Variants in MELK observed in about 807,000 individuals in gnomAD.
The protein encoded by MELK is pEg3 kinase.
MELK carries 81 observed loss-of-function variants against 85.0 expected under a neutral mutation model. That is an observed-to-expected ratio of 0.95 (90% CI 0.80 to 1.15). The LOEUF is 1.15. Among genes scored for constraint, MELK ranks in the 50% most tolerant of loss-of-function variants. The pLI, the probability that MELK is intolerant of heterozygous loss-of-function variation, is 0.00. For synonymous variants in MELK, 252 were observed against 265.0 expected, an observed-to-expected ratio of 0.95 and a Z score of 0.48; for missense variants, 754 against 777.5, an observed-to-expected ratio of 0.97 and a Z score of 0.36.
intron 14 of MELK, among the ~76,000 whole-genome samples, chr9:36,666,872 TGTGTGTGTGTGTG>T (rs1490993112): frequency 2.9e-5 from 4 of 138,108 alleles, no homozygotes; most frequent in African/African-American, 1.0e-4. Context: ...TGTGTGTGTG[TGTGTGTGTGTGTG>T]TGTGTGTGTG....
intron 14 of MELK, among the ~76,000 whole-genome samples, chr9:36,668,575 C>T (rs531490130): frequency 4.1e-5 from 6 of 147,854 alleles, no homozygotes; most frequent in Admixed American, 6.9e-5. Context: ...TGCAATGGCG[C>T]GATCTCGGCT....
chr9:36,574,751 A>T (rs1036003673), intron 1 of MELK, among the ~76,000 whole-genome samples: 4 of 152,244 alleles, frequency 2.6e-5, no homozygotes, highest in Admixed American at 6.5e-5. Flanking sequence ...TAATATTGTT[A>T]AAAAATGCCC....
intron 7 of MELK, among the ~76,000 whole-genome samples, chr9:36,601,060 A>G (rs1013706383): frequency 6.6e-6 from 1 of 152,122 alleles, no homozygotes; most frequent in Non-Finnish European, 1.5e-5. Context: ...AGCTAGAAAT[A>G]TCATATCCTT....
intron 8 of MELK, among the ~76,000 whole-genome samples, chr9:36,629,718 G>A (rs1009679145): frequency 6.6e-6 from 1 of 152,040 alleles, no homozygotes. Context: ...AGATTCCAAA[G>A]CTGTATGACA....
intron 11 of MELK, among the ~76,000 whole-genome samples, chr9:36,644,027 A>T (rs900947045): frequency 6.6e-6 from 1 of 152,178 alleles, no homozygotes; most frequent in Non-Finnish European, 1.5e-5. Flanking sequence ...CTAACATGCA[A>T]CTGGGTTTCT....
At chr9:36,633,275 A>C (rs1438724070) in intron 10 of MELK, 75 bp downstream of exon 10, 1 of 994,562 alleles carries the variant, frequency 1.0e-6, no homozygotes, top group Non-Finnish European at 1.5e-6. Flanking sequence ...ACCTACAATG[A>C]TGTGGTCTAA....
intron 14 of MELK, among the ~76,000 whole-genome samples, chr9:36,667,471 TA>T (rs1338033244): frequency 2.0e-5 from 3 of 152,288 alleles, no homozygotes; most frequent in East Asian, 1.9e-4. Flanking sequence ...CTTTTTTATT[TA>T]AAAAAAATTT....
intron 5 of MELK, among the ~76,000 whole-genome samples, chr9:36,595,426 G>A (rs866637926): frequency 5.6e-4 from 85 of 151,838 alleles, no homozygotes; most frequent in Non-Finnish European, 4.1e-4. Flanking sequence ...GTGATCCACC[G>A]CGCCCGGCCA....
intron 10 of MELK, among the ~76,000 whole-genome samples, chr9:36,641,607 T>C (rs1386109451): frequency 9.1e-6 from 1 of 109,662 alleles, no homozygotes; most frequent in Non-Finnish European, 1.8e-5. Flanking sequence ...GAGAGATTTT[T>C]TTTTTTTTTT....
intron 13 of MELK, among the ~76,000 whole-genome samples, chr9:36,659,526 T>C (rs1027344605): frequency 6.6e-6 from 1 of 152,230 alleles, no homozygotes; most frequent in African/African-American, 2.4e-5. Context: ...GCATTTATGA[T>C]GGTGGTCCAT....
chr9:36,676,996 CTA>C (rs539975850), intron 17 of MELK, among the ~76,000 whole-genome samples, 162 bp from the exon 18 acceptor site: 85 of 152,300 alleles, frequency 5.6e-4, no homozygotes, highest in African/African-American at 2.0e-3. Flanking sequence ...CAGTCATACT[CTA>C]TTACTAAAGC....
chr9:36,670,849 G>A lies in MELK; in HGVS notation c.1506-149G>A, dbSNP rs1832819499. ...TCCTGTCCAGGGGGAGATGGCTTTG[G>A]TGCTTCCTGAGGAAGAGAGAGGTGA... On this transcript the variant is annotated intron_variant, in intron 15 of 17. Coordinates refer to ENST00000298048, the MANE Select transcript of MELK (RefSeq NM_014791.4). 5 of 774,164 alleles carry A rather than the reference G, an allele frequency of 6.5e-6. No homozygotes were observed. In the South Asian group the frequency reaches 1.7e-4, roughly 26 times the overall value. The allele number at this position is 774,164 out of a possible 1,614,324, so 48.0% of individuals were successfully genotyped here.
chr9:36,583,444 C>A (rs1346617458), intron 2 of MELK, among the ~76,000 whole-genome samples, 183 bp from the exon 3 acceptor site: 1 of 143,406 alleles, frequency 7.0e-6, no homozygotes, highest in African/African-American at 2.7e-5. Context: ...TTGAGATACA[C>A]TATCATGGTT....
At chr9:36,650,030 G>A (rs1371483661) in intron 11 of MELK, among the ~76,000 whole-genome samples, 4 of 152,064 alleles carry the variant, frequency 2.6e-5, no homozygotes, top group African/African-American at 9.6e-5. Flanking sequence ...TGCAAGCTCT[G>A]TCTCCCAGAT....
At chr9:36,607,697 T>C (rs1340230252) in intron 8 of MELK, 24 bp downstream of exon 8, 2 of 1,492,106 alleles carry the variant, frequency 1.3e-6, no homozygotes, top group African/African-American at 2.8e-5. Flanking sequence ...GGCATAGAAT[T>C]TCAATGTAGA....
At chr9:36,654,464 T>C (rs1046499303) in intron 12 of MELK, among the ~76,000 whole-genome samples, 1 of 149,536 alleles carries the variant, frequency 6.7e-6, no homozygotes, top group Non-Finnish European at 1.5e-5. Context: ...CAAGTGATTC[T>C]CCTGCCTCAT....
chr9:36,603,437 CTT>C (rs35162618), intron 7 of MELK, among the ~76,000 whole-genome samples: 2 of 145,736 alleles, frequency 1.4e-5, no homozygotes, highest in Admixed American at 6.9e-5. Context: ...ATTATTTTAT[CTT>C]TTTTTTTTTT....
At chr9:36,608,576 T>C (rs865828478) in intron 8 of MELK, among the ~76,000 whole-genome samples, 1 of 151,366 alleles carries the variant, frequency 6.6e-6, no homozygotes, top group African/African-American at 2.4e-5. Context: ...TCTTACGTTA[T>C]ACAAACTTCT....
chr9:36,666,319 TG>T (rs1832331960), intron 14 of MELK, among the ~76,000 whole-genome samples: 1 of 151,840 alleles, frequency 6.6e-6, no homozygotes, highest in Admixed American at 6.6e-5. Flanking sequence ...TAGGGTAGAG[TG>T]GTAAGTGTCA....
Sources: gnomAD v4.1 joint callset for allele counts (sites outside exome capture counted in the v4.1 genomes callset) on GRCh38, gnomAD v4.1.1 for gene constraint, MANE v1.5 for transcripts, NCBI Gene and HGNC (gene_info 2026-07-23, HGNC 2026-07-21) for gene names.